ALAS2: variants seen among roughly 807,000 people sequenced by gnomAD.
The protein encoded by ALAS2 is 5-aminolevulinate synthase, erythroid-specific, mitochondrial.
ALAS2 carries 3 observed loss-of-function variants against 33.7 expected under a neutral mutation model. The observed-to-expected ratio is 0.09, with a 90% CI of 0.04 to 0.23. The LOEUF (loss-of-function observed/expected upper bound fraction) is 0.23. Ranked by LOEUF, ALAS2 falls within the 10% of genes least tolerant of loss-of-function variation. The pLI is 1.00. For missense variants in ALAS2, 304 were observed against 475.1 expected (o/e 0.64, Z 3.35); for synonymous variants, 191 against 177.3 (o/e 1.08, Z -0.61).
intron 6 of ALAS2, among the ~76,000 whole-genome samples, chrX:55,018,041 C>T (rs534509403): frequency 4.5e-5 from 5 of 112,004 alleles, no homozygotes; most frequent in Admixed American, 1.9e-4. Flanking sequence ...TTTGTTGACT[C>T]GGACTGATGC....
At chrX:55,023,026 A>C (rs1381062705) in intron 4 of ALAS2, among the ~76,000 whole-genome samples, 1 of 112,111 alleles carries the variant, frequency 8.9e-6, no homozygotes, top group Non-Finnish European at 1.9e-5. Context: ...AGAGAATACA[A>C]AAAATTGGAA....
chrX:55,011,118 G>A (rs760378353), intron 10 of ALAS2, among the ~76,000 whole-genome samples: 1 of 110,273 alleles, frequency 9.1e-6, no homozygotes, highest in Admixed American at 9.7e-5. Context: ...GTGGGGAGGA[G>A]GTGAGGGCAT....
In ALAS2 at chrX:55,014,775, G is replaced by A. The variant is rs1935670481; in HGVS notation, c.1409C>T (p.Pro470Leu). The A allele has an allele frequency of 2.5e-6, 3 of 1,192,719 alleles. No homozygotes were observed. The highest frequency in any genetic ancestry group is 3.4e-6 in the Non-Finnish European group (3 of 883,591). The change falls in exon 9 of 11, where the codon CCC becomes CTC. Residue 470 changes from proline to leucine, a missense_variant. This residue lies in a region of ALAS2 where 95 missense variants were observed against 127.0 expected (regional missense o/e 0.75). Coordinates refer to ENST00000650242, the MANE Select transcript of ALAS2 (RefSeq NM_000032.5). ...LLMDRGLPVI[P>L]CPSHIIPIRV... is the part of the protein sequence containing the mutation. ...GATGGGGATGATGTGGCTGGGGCAGGGGATGACAGGAAGGCCCCTGTCCAT... is the reference window on the plus strand; with the variant it reads ...GATGGGGATGATGTGGCTGGGGCAGAGGATGACAGGAAGGCCCCTGTCCAT...
At position 55,022,136 on chromosome X, in the gene ALAS2, G is replaced by A. The variant is rs762226950; in HGVS notation, c.416-862C>T. The stretch of plus-strand genomic sequence containing the variant: ...TATTTCTAGGATAAATTGAAATAAC[G>A]TTTGCCAAAGAGCTTGTTAAACTCT... On this transcript the variant is annotated intron_variant, in intron 4 of 10. Coordinates refer to ENST00000650242, the MANE Select transcript of ALAS2 (RefSeq NM_000032.5). Among the ~76,000 whole-genome samples, 11 of 112,079 alleles carry A rather than the reference G, an allele frequency of 9.8e-5. No individual in the cohort carries two copies. The South Asian group carries it at 3.3e-3, about 34-fold the overall frequency.
chrX:55,009,145 C>T lies in ALAS2; in HGVS notation c.*35G>A, dbSNP rs367673650. The T allele has an allele frequency of 3.0e-5, 36 of 1,198,253 alleles. No individual in the cohort carries two copies. The African/African-American group carries it at 4.7e-4, about 16-fold the overall frequency. ...GGAGTAGGCCTGGACCCAAGTGAAGCGCAGGTGGGGTGTGAATCCTAGGCA... is the reference window on the plus strand; with the variant it reads ...GGAGTAGGCCTGGACCCAAGTGAAGTGCAGGTGGGGTGTGAATCCTAGGCA... On this transcript the variant is annotated 3_prime_UTR_variant, in exon 11 of 11. Transcript: ENST00000650242.
At chrX:55,017,333 A>G (rs1775123428) in intron 7 of ALAS2, among the ~76,000 whole-genome samples, 153 bp downstream of exon 7, 1 of 112,556 alleles carries the variant, frequency 8.9e-6, no homozygotes, top group Admixed American at 9.4e-5. Flanking sequence ...AATTAAATGA[A>G]TTAATACATG....
Position 55,024,797 on chromosome X carries a change from C to T in ALAS2, c.225G>A (p.Ser75=), listed in dbSNP as rs374346410. The change falls in exon 3 of 11, where the codon TCG becomes TCA. Residue 75 remains serine (S), a synonymous_variant. Coordinates refer to ENST00000650242, the MANE Select transcript of ALAS2 (RefSeq NM_000032.5). The part of the protein sequence containing the change: ...WAKGHCPFML[S]ELQDGKSKIV... ...TCTTGCTCTTCCCATCCTGGAGTTC[C>T]GACAGCATGAAGGGACAGTGGCCCT... 153 of 1,209,898 alleles carry T rather than the reference C, an allele frequency of 1.3e-4. 1 individual carries two copies. Among genetic ancestry groups the T allele is most frequent in the African/African-American group, 6.6e-4 (38 of 57,213 alleles).
chrX:55,018,530 A>G (rs1320780133), intron 6 of ALAS2, among the ~76,000 whole-genome samples: 1 of 112,228 alleles, frequency 8.9e-6, no homozygotes, highest in Non-Finnish European at 1.9e-5. Flanking sequence ...GAGTAAGCAC[A>G]CAGTAGATGC....
At chrX:55,013,077 C>G (rs1305352001) in intron 10 of ALAS2, among the ~76,000 whole-genome samples, 2 of 111,457 alleles carry the variant, frequency 1.8e-5, no homozygotes, top group Non-Finnish European at 3.8e-5. Context: ...TCTTCATGCT[C>G]TTCCCTCTGG....
intron 10 of ALAS2, 147 bp from the exon 11 acceptor site, chrX:55,009,490 T>C: frequency 1.8e-6 from 1 of 551,045 alleles, no homozygotes; most frequent in South Asian, 3.4e-5. Context: ...TGCTTCTGTG[T>C]GTGCCGTGAA....
chrX:55,009,440 A>G (rs987095061), intron 10 of ALAS2, 97 bp from the exon 11 acceptor site: 2 of 900,783 alleles, frequency 2.2e-6, no homozygotes, highest in Non-Finnish European at 1.5e-6. Context: ...ATCCCCCTCA[A>G]CCCTTCAAGA....
chrX:55,023,461 A>G (rs1410610672), intron 4 of ALAS2, among the ~76,000 whole-genome samples: 1 of 111,046 alleles, frequency 9.0e-6, no homozygotes, highest in African/African-American at 3.3e-5. Context: ...GGAAGCATAG[A>G]GAAGAAATAA....
chrX:55,020,980 C>CT lies in ALAS2; in HGVS notation c.638+71dup, dbSNP rs376523169. The CT allele has an allele frequency of 0.036, 27,386 of 767,417 alleles. 36 individuals carry two copies. The highest frequency in any genetic ancestry group is 0.06 in the African/African-American group (2,718 of 45,487). 63.2% of individuals were successfully genotyped at this position (767,417 alleles called of 1,213,427 possible). On this transcript the variant is annotated intron_variant, in intron 5 of 10. Coordinates refer to ENST00000650242, the MANE Select transcript of ALAS2 (RefSeq NM_000032.5). Reference sequence around the variant, plus strand: ...CCCAAGTTTCCACTGCCAGCTCTGCCTTTTTTTTTTTTCCATGTGTGGTTT... The same window carrying CT: ...CCCAAGTTTCCACTGCCAGCTCTGCCTTTTTTTTTTTTTCCATGTGTGGTTT...
chrX:55,027,898 A>G, intron 1 of ALAS2: 5 of 769,008 alleles, frequency 6.5e-6, no homozygotes, highest in Admixed American at 2.2e-5. Context: ...GAGGGACTAA[A>G]TGAAACAATC....
chrX:55,023,858 C>A lies in ALAS2; in HGVS notation c.314G>T (p.Ser105Ile). 2 of 1,203,965 alleles carry A rather than the reference C, an allele frequency of 1.7e-6. No homozygotes were observed. Among genetic ancestry groups the A allele is most frequent in the South Asian group, 3.5e-5 (2 of 56,406 alleles). Residue 105 changes from serine (S) to isoleucine (I), a missense_variant, in exon 4 of 11, where the codon AGC (serine) becomes ATC (isoleucine). Ser to Ile is a moderately radical substitution (Grantham distance 142, BLOSUM62 -2). Coordinates refer to ENST00000650242, the MANE Select transcript of ALAS2 (RefSeq NM_000032.5). ...DVKAFKTDLP[S>I]SLVSVSLRKP... ...CCTTAGGCTGACTGAGACCAGGGAG[C>A]TAGGCAGATCTGAGACGGAATGTGA...
rs141344786 is a variant in ALAS2 at position 55,023,850 on chromosome X, C to A, written c.322G>T (p.Val108Phe). Reference sequence around the variant, plus strand: ...AATGGCTTCCTTAGGCTGACTGAGACCAGGGAGCTAGGCAGATCTGAGACG... The same window carrying A: ...AATGGCTTCCTTAGGCTGACTGAGAACAGGGAGCTAGGCAGATCTGAGACG... ...AFKTDLPSSL[V>F]SVSLRKPFSG... Residue 108 changes from valine (V) to phenylalanine (F), a missense_variant, in exon 4 of 11, where the codon GTC (valine) becomes TTC (phenylalanine). Coordinates refer to ENST00000650242, the MANE Select transcript of ALAS2 (RefSeq NM_000032.5). The A allele has an allele frequency of 2.5e-6, 3 of 1,208,633 alleles. No homozygotes were observed. The highest frequency in any genetic ancestry group is 3.5e-5 in the African/African-American group (2 of 57,658).
chrX:55,013,540 G>A lies in ALAS2; in HGVS notation c.1546C>T (p.Leu516=), dbSNP rs750969990. ...TGGTGGGGGGAGGGTGCCAAGCGCAGGAGCTCTTCACCCCGGGGGACAGTT... is the reference window on the plus strand; with the variant it reads ...TGGTGGGGGGAGGGTGCCAAGCGCAAGAGCTCTTCACCCCGGGGGACAGTT... ...YPTVPRGEEL[L]RLAPSPHHSP... is the part of the protein sequence containing the mutation. Residue 516 remains leucine (L), a synonymous_variant, in exon 10 of 11, where the codon CTG becomes TTG. Coordinates refer to ENST00000650242, the MANE Select transcript of ALAS2 (RefSeq NM_000032.5). The A allele has an allele frequency of 2.5e-6, 3 of 1,209,573 alleles. No individual in the cohort carries two copies. The highest frequency in any genetic ancestry group is 4.4e-5 in the Admixed American group (2 of 45,721).
Position 55,025,892 on chromosome X carries a change from G to A in ALAS2, c.109C>T (p.Arg37Cys), listed in dbSNP as rs764463609. The change falls in exon 2 of 11, where the codon CGC becomes TGC. Residue 37 changes from arginine to cysteine, a missense_variant. By Grantham distance (180) the Arg-to-Cys change is radical. Coordinates refer to ENST00000650242, the MANE Select transcript of ALAS2 (RefSeq NM_000032.5). ...KTHQFLFGIG[R>C]CPILATQGPN... ...CCTTGGGTAGCCAGGATGGGACAGC[G>A]TCCAATACCAAACAGGAACTGGTGA... 70 of 1,209,505 alleles carry A rather than the reference G, an allele frequency of 5.8e-5. No individual in the cohort carries two copies. Among genetic ancestry groups the A allele is most frequent in the Non-Finnish European group, 7.1e-5 (64 of 895,111 alleles).
At chrX:55,021,515 TG>T (rs1345480815) in intron 4 of ALAS2, among the ~76,000 whole-genome samples, 1 of 112,202 alleles carries the variant, frequency 8.9e-6, no homozygotes. Flanking sequence ...GACTTTCTTA[TG>T]GCCTCATCTC....
Sources: gnomAD v4.1 joint callset for allele counts (sites outside exome capture counted in the v4.1 genomes callset) on GRCh38, gnomAD v4.1.1 for gene constraint, gnomAD v4.1.1 regional missense constraint, MANE v1.5 for transcripts, NCBI Gene and HGNC (gene_info 2026-07-23, HGNC 2026-07-21) for gene names.